The following TMEM184A variants were observed in gnomAD, a reference collection of about 807,000 sequenced individuals.
TMEM184A encodes the protein transmembrane protein 184A.
Under a neutral mutation model 39.5 loss-of-function variants are expected in TMEM184A, and 40 were observed. That is an observed-to-expected ratio of 1.01 (90% CI 0.79 to 1.32). The LOEUF (loss-of-function observed/expected upper bound fraction) is 1.32. Among genes scored for constraint, TMEM184A ranks in the 40% most tolerant of loss-of-function variants. The pLI, the probability that TMEM184A is intolerant of heterozygous loss-of-function variation, is 0.00. For synonymous variants in TMEM184A, 280 were observed against 252.3 expected (o/e 1.11, Z -1.04); for missense variants, 603 against 568.8 (o/e 1.06, Z -0.61).
At chr7:1,552,923 C>T (rs1433331440) in intron 2 of TMEM184A, among the ~76,000 whole-genome samples, 6 of 151,980 alleles carry the variant, frequency 3.9e-5, no homozygotes, top group South Asian at 2.1e-4. Flanking sequence ...GGCGTGGTGG[C>T]GGGCGCCTGC....
intron 2 of TMEM184A, among the ~76,000 whole-genome samples, chr7:1,554,501 G>T (rs569064657): frequency 6.6e-6 from 1 of 152,284 alleles, no homozygotes; most frequent in East Asian, 1.9e-4. Context: ...GCCCTCGCGG[G>T]CCTACACACG....
At chr7:1,553,514 C>T (rs1017695965) in intron 2 of TMEM184A, among the ~76,000 whole-genome samples, 9 of 152,090 alleles carry the variant, frequency 5.9e-5, no homozygotes, top group Non-Finnish European at 8.8e-5. Context: ...CAGGGTCAGC[C>T]GAGCCTGGGA....
chr7:1,555,076 G>T lies in TMEM184A; in HGVS notation c.219+190C>A, dbSNP rs897916386. 6.6e-6 allele frequency among the ~76,000 whole-genome samples: 1 copy of T among 152,246 alleles called. No homozygotes were observed. The highest frequency in any genetic ancestry group is 2.4e-5 in the African/African-American group (1 of 41,550). On this transcript the variant is annotated intron_variant, in intron 2 of 8. Coordinates refer to ENST00000297477, the MANE Select transcript of TMEM184A (RefSeq NM_001097620.2). The surrounding 1 kb of genome is among the most constrained non-coding windows in gnomAD (Gnocchi z 5.2). ...GGCGCTCTGCCCTCAGCCTGGCAGA[G>T]ATCTCCCCATTTTCAGGCCCAGCTC... is the stretch of plus-strand genomic sequence containing the variant.
chr7:1,550,012 G>C, intron 5 of TMEM184A, 67 bp from the exon 6 acceptor site: 1 of 1,589,814 alleles, frequency 6.3e-7, no homozygotes. Context: ...GGGGATTGGG[G>C]CAGCCAGCAA....
At position 1,553,310 on chromosome 7, in the gene TMEM184A, G is replaced by T. The variant is rs187248978; in HGVS notation, c.219+1956C>A. Among the ~76,000 whole-genome samples, 1,208 of 151,986 alleles carry T rather than the reference G, an allele frequency of 7.9e-3. 18 individuals are homozygous for T. Among genetic ancestry groups the T allele is most frequent in the African/African-American group, 0.027 (1,121 of 41,450 alleles). On this transcript the variant is annotated intron_variant, in intron 2 of 8. Coordinates refer to ENST00000297477, the MANE Select transcript of TMEM184A (RefSeq NM_001097620.2). ...TGGGATTATAGGCGCGCACCACCAT[G>T]CCCGGCTAATTTTTGTATTTTTAGT...
rs112463195 is a variant in TMEM184A at position 1,547,017 on chromosome 7, A to AGCCGCC, written c.1171_1176dup (p.Gly391_Gly392dup). 5.6e-6 allele frequency: 9 copies of AGCCGCC among 1,596,904 alleles called. No homozygotes were observed. Among genetic ancestry groups the AGCCGCC allele is most frequent in the East Asian group, 2.2e-5 (1 of 44,574 alleles). On this transcript the variant is annotated inframe_insertion, in exon 9 of 9. Transcript: ENST00000297477. Reference sequence around the variant, plus strand: ...CTCCGGCTCTTCCTGCTCCCGCCGGAGCCGCCGCTGGGGTGGGTGCCGGGC... The same window carrying AGCCGCC: ...CTCCGGCTCTTCCTGCTCCCGCCGGAGCCGCCGCCGCCGCTGGGGTGGGTGCCGGGC...
At chr7:1,552,641 A>G in intron 2 of TMEM184A, among the ~76,000 whole-genome samples, 1 of 151,748 alleles carries the variant, frequency 6.6e-6, no homozygotes, top group East Asian at 1.9e-4. Context: ...TAAGTGTCCA[A>G]CCCGGGGGAC....
At chr7:1,550,683 C>T in intron 3 of TMEM184A, 134 bp downstream of exon 3, 1 of 1,198,674 alleles carries the variant, frequency 8.3e-7, no homozygotes, top group Non-Finnish European at 1.2e-6. Flanking sequence ...CTAACCCTGA[C>T]TATCCTGGCA....
chr7:1,550,183 G>T lies in TMEM184A; in HGVS notation c.492C>A (p.Tyr164Ter). Residue 164 changes from tyrosine (Y) to a stop codon, truncating the protein, a stop_gained, in exon 5 of 9, where the codon TAC becomes TAA. Transcript: ENST00000297477. LOFTEE classifies it high-confidence loss of function. The stretch of plus-strand genomic sequence containing the variant: ...TCATGCCCCGGAGGCAGCAGGTGCC[G>T]TACAAGCAGCTGGACCTGCGGGGGA... The part of the protein sequence containing the change: ...RGKPIKSSCL[Y>*]GTCCLRGMTY... 1.2e-6 allele frequency: 2 copies of T among 1,608,044 alleles called. No homozygotes were observed. Among genetic ancestry groups the T allele is most frequent in the Non-Finnish European group, 1.7e-6 (2 of 1,178,026 alleles).
chr7:1,551,251 C>T (rs1286049382), intron 2 of TMEM184A, among the ~76,000 whole-genome samples: 6 of 98,758 alleles, frequency 6.1e-5, no homozygotes, highest in South Asian at 8.3e-4. Flanking sequence ...CCAGGTGAGC[C>T]GGGAAGGAGG....
chr7:1,549,547 C>G (rs1475806139), intron 6 of TMEM184A: 3 of 523,666 alleles, frequency 5.7e-6, no homozygotes, highest in Non-Finnish European at 1.1e-5. Context: ...CTAGACTCAC[C>G]CCAGCCGTGT....
rs1778541199 is a variant in TMEM184A, at chr7:1,555,814, A to C, written c.-1+300T>G. On this transcript the variant is annotated intron_variant, in intron 1 of 8. Transcript: ENST00000297477. This position sits in a 1 kb window ranked among gnomAD's most constrained non-coding sequence, Gnocchi z 5.2. ...AGACCGTCTTCCAGTGGGGCAGAAG[A>C]GGGGGAACCCCTGCCGCCCTGCCTG... 2.7e-6 allele frequency: 1 copy of C among 364,118 alleles called. No individual in the cohort carries two copies. The highest frequency in any genetic ancestry group is 5.1e-6 in the Non-Finnish European group (1 of 196,892). 22.6% of individuals were successfully genotyped at this position (364,118 alleles called of 1,614,324 possible).
chr7:1,551,173 GCCGGGCCCGCC>G, intron 2 of TMEM184A, among the ~76,000 whole-genome samples, 191 bp from the exon 3 acceptor site: 1 of 49,884 alleles, frequency 2.0e-5, no homozygotes, highest in Admixed American at 2.3e-4. Context: ...TCGCGTGAGA[GCCGGGCCCGCC>G]CTGGGCGCAG....
chr7:1,549,702 A>C, intron 6 of TMEM184A, 152 bp downstream of exon 6: 2 of 747,624 alleles, frequency 2.7e-6, no homozygotes, highest in Non-Finnish European at 2.3e-6. Flanking sequence ...GCCCCAGGGG[A>C]CCCAGTGCCC....
In TMEM184A at chr7:1,547,946, A is replaced by G. The variant is rs1784414435; in HGVS notation, c.815-7T>C. ...AGGATGGCCAGCAGCAGCCCTGCGGACGCCACGGCCGCTCAGCCCCAGCCC... is the reference window on the plus strand; with the variant it reads ...AGGATGGCCAGCAGCAGCCCTGCGGGCGCCACGGCCGCTCAGCCCCAGCCC... On this transcript the variant is annotated splice_region_variant and splice_polypyrimidine_tract_variant and intron_variant, in intron 7 of 8. Transcript: ENST00000297477. The G allele has an allele frequency of 1.3e-6, 2 of 1,559,826 alleles. No individual in the cohort carries two copies. Among genetic ancestry groups the G allele is most frequent in the East Asian group, 4.8e-5 (2 of 41,530 alleles).
intron 6 of TMEM184A, chr7:1,549,160 G>A (rs1784474575): frequency 2.2e-6 from 1 of 459,954 alleles, no homozygotes; most frequent in Admixed American, 2.3e-5. Context: ...TTGCGTGCAT[G>A]TGAGTGTACA....
intron 7 of TMEM184A, 78 bp from the exon 8 acceptor site, chr7:1,548,017 G>C: frequency 6.8e-7 from 1 of 1,470,380 alleles, no homozygotes; most frequent in Non-Finnish European, 9.1e-7. Flanking sequence ...CCCCGCAGCG[G>C]CTCCTCTGAC....
At chr7:1,552,924 G>A (rs1784658295) in intron 2 of TMEM184A, among the ~76,000 whole-genome samples, 1 of 152,002 alleles carries the variant, frequency 6.6e-6, no homozygotes, top group African/African-American at 2.4e-5. Context: ...GCGTGGTGGC[G>A]GGCGCCTGCA....
At chr7:1,547,411 G>T (rs1784393345) in intron 8 of TMEM184A, among the ~76,000 whole-genome samples, 1 of 152,150 alleles carries the variant, frequency 6.6e-6, no homozygotes, top group South Asian at 2.1e-4. Context: ...GCTTCCGAGG[G>T]GCTCCAAGCA....
Sources: gnomAD v4.1 joint callset for allele counts (sites outside exome capture counted in the v4.1 genomes callset) on GRCh38, gnomAD v4.1.1 for gene constraint, Gnocchi (gnomAD v3.1) non-coding constraint, MANE v1.5 for transcripts, NCBI Gene and HGNC (gene_info 2026-07-23, HGNC 2026-07-21) for gene names.